The following MMRN1 variants were observed in gnomAD, a reference collection of about 807,000 sequenced individuals.
The protein encoded by MMRN1 is multimerin-1.
Under a neutral mutation model 100.7 loss-of-function variants are expected in MMRN1, and 94 were observed. The observed-to-expected ratio is 0.93, with a 90% confidence interval of 0.79 to 1.11. The LOEUF (loss-of-function observed/expected upper bound fraction) is 1.11, where lower values mean the gene tolerates loss of function less well. MMRN1 is among the 50% of genes least tolerant of loss of function. The pLI is 0.00. For missense variants in MMRN1, 1,606 were observed against 1,439.1 expected (o/e 1.12, Z -1.88); for synonymous variants, 575 against 505.0 (o/e 1.14, Z -1.86).
In MMRN1 at chr4:89,935,540, A is replaced by T. The variant is rs780141225; in HGVS notation, c.1860A>T (p.Thr620=). 1.2e-6 allele frequency: 2 copies of T among 1,613,186 alleles called. No individual in the cohort carries two copies. Among genetic ancestry groups the T allele is most frequent in the South Asian group, 2.2e-5 (2 of 90,868 alleles). ...AGAATTTACATGTGTTAAATCAAACATTGGCTGAAGTTCTCTTTCCAATGG... is the reference window on the plus strand; with the variant it reads ...AGAATTTACATGTGTTAAATCAAACTTTGGCTGAAGTTCTCTTTCCAATGG... ...TEENLHVLNQ[T]LAEVLFPMDN... Residue 620 remains threonine, a synonymous_variant, in exon 6 of 8, where the codon ACA becomes ACT. Transcript: ENST00000264790.
chr4:89,937,084 T>G (rs1722670806), intron 6 of MMRN1, among the ~76,000 whole-genome samples: 1 of 152,116 alleles, frequency 6.6e-6, no homozygotes, highest in South Asian at 2.1e-4. Context: ...ATGGAACAAT[T>G]TGCTTTGCAC....
intron 6 of MMRN1, among the ~76,000 whole-genome samples, chr4:89,939,297 A>G (rs1364761941): frequency 3.9e-5 from 6 of 152,172 alleles, no homozygotes; most frequent in African/African-American, 1.4e-4. Flanking sequence ...TCTCAGAGTC[A>G]TATTATTCAG....
At position 89,936,845 on chromosome 4, in the gene MMRN1, A is replaced by G. The variant is rs568922850; in HGVS notation, c.3118+47A>G. 7.9e-4 allele frequency: 1,171 copies of G among 1,490,888 alleles called. 21 individuals are homozygous for G. The South Asian group carries it at 0.012, about 15-fold the overall frequency. The allele number at this position is 1,490,888 out of a possible 1,614,324, so 92.4% of individuals were successfully genotyped here. ...ACTTTTAATCTCTCTTTTTACTTAA[A>G]TGATATTTAATAGATCTGTACAGTT... On this transcript the variant is annotated intron_variant, in intron 6 of 7. Coordinates refer to ENST00000264790, the MANE Select transcript of MMRN1 (RefSeq NM_007351.3).
At chr4:89,951,386 A>G (rs1578508644) in intron 6 of MMRN1, 1 of 387,812 alleles carries the variant, frequency 2.6e-6, no homozygotes, top group East Asian at 3.8e-5. Context: ...GTAATGGATC[A>G]CAGAATTTTG....
chr4:89,944,763 A>G (rs183887189), intron 6 of MMRN1, among the ~76,000 whole-genome samples: 4 of 152,328 alleles, frequency 2.6e-5, no homozygotes, highest in Admixed American at 2.6e-4. Context: ...AGTTTTATAG[A>G]CAACAAAGAA....
At chr4:89,896,090 A>G (rs778433546) in intron 1 of MMRN1, among the ~76,000 whole-genome samples, 6 of 152,194 alleles carry the variant, frequency 3.9e-5, no homozygotes, top group Non-Finnish European at 8.8e-5. Context: ...GTCTAGTTCC[A>G]TGATTTTGAG....
intron 6 of MMRN1, among the ~76,000 whole-genome samples, chr4:89,945,591 A>G (rs1722963181): frequency 1.3e-5 from 2 of 152,158 alleles, no homozygotes; most frequent in African/African-American, 4.8e-5. Flanking sequence ...ACATATTTTA[A>G]TGTATTGGTC....
intron 6 of MMRN1, among the ~76,000 whole-genome samples, chr4:89,941,240 G>C (rs780996774): frequency 6.6e-6 from 1 of 152,080 alleles, no homozygotes; most frequent in Non-Finnish European, 1.5e-5. Context: ...ATACGTGTAC[G>C]CATTTGGTAA....
chr4:89,890,078 A>G (rs1322658466), upstream of MMRN1, among the ~76,000 whole-genome samples: 1 of 152,006 alleles, frequency 6.6e-6, no homozygotes, highest in African/African-American at 2.4e-5. Context: ...AGGCTTCTTG[A>G]TGAAGAAATT....
chr4:89,907,621 A>G (rs1174670942), intron 1 of MMRN1, among the ~76,000 whole-genome samples: 2 of 150,894 alleles, frequency 1.3e-5, no homozygotes, highest in Non-Finnish European at 3.0e-5. Flanking sequence ...TATGTTTTTG[A>G]ATTTTTTTCT....
upstream of MMRN1, among the ~76,000 whole-genome samples, chr4:89,891,090 C>T (rs1391832888): frequency 6.6e-6 from 1 of 151,880 alleles, no homozygotes; most frequent in African/African-American, 2.4e-5. Flanking sequence ...TCTAATGTGG[C>T]TGTGACGGCT....
chr4:89,952,293 G>A (rs1172179345), intron 7 of MMRN1, among the ~76,000 whole-genome samples: 1 of 152,008 alleles, frequency 6.6e-6, no homozygotes, highest in Non-Finnish European at 1.5e-5. Flanking sequence ...ATAAGTATTG[G>A]TGCTTTGGAT....
chr4:89,902,927 A>G (rs114316208), intron 1 of MMRN1, among the ~76,000 whole-genome samples: 3,909 of 152,106 alleles, frequency 0.026, 84 homozygotes, highest in Non-Finnish European at 0.04. Flanking sequence ...TTAAGCATAG[A>G]AAGATACACT....
chr4:89,914,539 GA>G (rs1323365260), intron 3 of MMRN1, among the ~76,000 whole-genome samples: 2 of 151,160 alleles, frequency 1.3e-5, no homozygotes, highest in Non-Finnish European at 1.5e-5. Context: ...TTTATTGGGG[GA>G]AAAAAGGAGT....
At chr4:89,929,774 A>G (rs1722379619) in intron 5 of MMRN1, among the ~76,000 whole-genome samples, 2 of 152,146 alleles carry the variant, frequency 1.3e-5, no homozygotes, top group African/African-American at 4.8e-5. Flanking sequence ...TAGTTAATGA[A>G]TATTCTTACA....
chr4:89,945,369 T>C (rs1722956659), intron 6 of MMRN1, among the ~76,000 whole-genome samples: 1 of 152,138 alleles, frequency 6.6e-6, no homozygotes, highest in Non-Finnish European at 1.5e-5. Context: ...TATACAGCAG[T>C]AGCATAGTTT....
chr4:89,941,779 A>C (rs1163501051), intron 6 of MMRN1, among the ~76,000 whole-genome samples: 1 of 152,158 alleles, frequency 6.6e-6, no homozygotes, highest in Non-Finnish European at 1.5e-5. Flanking sequence ...AGATTATCTT[A>C]AAGATATTCT....
At position 89,936,768 on chromosome 4, in the gene MMRN1, C is replaced by G. The variant is rs767255460; in HGVS notation, c.3088C>G (p.Gln1030Glu). The G allele has an allele frequency of 1.5e-5, 24 of 1,601,942 alleles. No homozygotes were observed. Among genetic ancestry groups the G allele is most frequent in the Non-Finnish European group, 1.7e-5 (20 of 1,176,228 alleles). Residue 1030 changes from glutamine (Q) to glutamate (E), a missense_variant, in exon 6 of 8, where the codon CAA becomes GAA. Transcript: ENST00000264790. ...TACCACAGTCCTGATAGGCCGGACT[C>G]AAAGAAACACGGACAACATAATATA... is the stretch of plus-strand genomic sequence containing the variant. ...NLTTVLIGRT[Q>E]RNTDNIIYPE...
At chr4:89,915,561 G>C (rs565473449) in intron 3 of MMRN1, among the ~76,000 whole-genome samples, 2 of 150,826 alleles carry the variant, frequency 1.3e-5, no homozygotes, top group African/African-American at 2.4e-5. Context: ...AGGTCTGGAA[G>C]GAAAACAAAA....
Sources: gnomAD v4.1 joint callset for allele counts (sites outside exome capture counted in the v4.1 genomes callset) on GRCh38, gnomAD v4.1.1 for gene constraint, MANE v1.5 for transcripts, NCBI Gene and HGNC (gene_info 2026-07-23, HGNC 2026-07-21) for gene names.